Variants in SERPINA11 observed in about 807,000 individuals in gnomAD.
SERPINA11 encodes the protein serpin A11.
Under a neutral mutation model 29.4 loss-of-function variants are expected in SERPINA11, and 28 were observed. That is an observed-to-expected ratio of 0.95 (90% CI 0.70 to 1.30). SERPINA11 has a LOEUF of 1.30. SERPINA11 is among the 50% of genes most tolerant of loss of function. The pLI is 0.00. For missense variants in SERPINA11, 530 were observed against 507.3 expected (o/e 1.04, Z -0.43); for synonymous variants, 253 against 206.6 (o/e 1.22, Z -1.92).
In SERPINA11 at chr14:94,452,401, A is replaced by T. The variant is rs188631644; in HGVS notation, c.-4+328T>A. Among the ~76,000 whole-genome samples, 3 of 152,164 alleles carry T rather than the reference A, an allele frequency of 2.0e-5. No homozygotes were observed. The East Asian group carries it at 5.8e-4, about 29-fold the overall frequency. Reference sequence around the variant, plus strand: ...GTAAATTTGCTGCAGCATCATTGTCATTGTGCTTTGGGTTGTATTGTTTCA... The same window carrying T: ...GTAAATTTGCTGCAGCATCATTGTCTTTGTGCTTTGGGTTGTATTGTTTCA... On this transcript the variant is annotated intron_variant, in intron 1 of 4. Transcript: ENST00000334708.
At position 94,448,295 on chromosome 14, in the gene SERPINA11, A is replaced by T; in HGVS notation, c.480T>A (p.Leu160=). 1 of 1,614,194 alleles carries T rather than the reference A, an allele frequency of 6.2e-7. No individual in the cohort carries two copies. The highest frequency in any genetic ancestry group is 8.5e-7 in the Non-Finnish European group (1 of 1,180,042). The change falls in exon 2 of 5, where the codon CTT becomes CTA. Residue 160 remains leucine, a synonymous_variant. Transcript: ENST00000334708. ...TGGCAGAAAAAGCAAAAGCTCCATAAAGCTCCTTGATGCTGTCCAAATAGT... is the reference window on the plus strand; with the variant it reads ...TGGCAGAAAAAGCAAAAGCTCCATATAGCTCCTTGATGCTGTCCAAATAGT... ...RQHYLDSIKE[L]YGAFAFSANF...
chr14:94,448,304 G>T lies in SERPINA11; in HGVS notation c.471C>A (p.Ile157=). The T allele has an allele frequency of 6.2e-7, 1 of 1,614,236 alleles. No individual in the cohort carries two copies. Among genetic ancestry groups the T allele is most frequent in the Non-Finnish European group, 8.5e-7 (1 of 1,180,046 alleles). ...AAGCAAAAGCTCCATAAAGCTCCTT[G>T]ATGCTGTCCAAATAGTGCTGCCGAG... ...LKPRQHYLDS[I]KELYGAFAFS... Residue 157 remains isoleucine, a synonymous_variant, in exon 2 of 5, where the codon ATC becomes ATA. Transcript: ENST00000334708.
At chr14:94,444,083 T>C (rs955486455) in intron 3 of SERPINA11, among the ~76,000 whole-genome samples, 40 of 152,276 alleles carry the variant, frequency 2.6e-4, no homozygotes, top group African/African-American at 9.4e-4. Context: ...GGATGCCTAA[T>C]TGAAGTAGGA....
At position 94,448,248 on chromosome 14, in the gene SERPINA11, G is replaced by T; in HGVS notation, c.527C>A (p.Thr176Asn). 1 of 1,614,260 alleles carries T rather than the reference G, an allele frequency of 6.2e-7. No homozygotes were observed. The highest frequency in any genetic ancestry group is 8.5e-7 in the Non-Finnish European group (1 of 1,180,046). ...FSANFTDSVTTGRQINDYLRR... is the reference protein window; with the variant it reads ...FSANFTDSVTNGRQINDYLRR... ...CAAATAGTCATTAATCTGCCTCCCAGTTGTAACAGAATCTGTGAAGTTGGC... is the reference window on the plus strand; with the variant it reads ...CAAATAGTCATTAATCTGCCTCCCATTTGTAACAGAATCTGTGAAGTTGGC... The change falls in exon 2 of 5, where the codon ACT becomes AAT. Residue 176 changes from threonine (T) to asparagine (N), a missense_variant. By Grantham distance (65) the Thr-to-Asn change is moderately conservative. Coordinates refer to ENST00000334708, the MANE Select transcript of SERPINA11 (RefSeq NM_001080451.2).
chr14:94,443,559 C>A (rs984100379), intron 3 of SERPINA11, among the ~76,000 whole-genome samples: 1 of 152,220 alleles, frequency 6.6e-6, no homozygotes, highest in Non-Finnish European at 1.5e-5. Context: ...GAATCCAAAT[C>A]ATGACCACAT....
intron 3 of SERPINA11, 100 bp from the exon 4 acceptor site, chr14:94,443,325 C>T: frequency 8.3e-7 from 1 of 1,204,260 alleles, no homozygotes. Flanking sequence ...GAGGCATTTC[C>T]CAGCGTGAGA....
chr14:94,449,763 T>C (rs1477898248), intron 1 of SERPINA11, among the ~76,000 whole-genome samples: 1 of 151,942 alleles, frequency 6.6e-6, no homozygotes, highest in East Asian at 1.9e-4. Context: ...GACACTAGCT[T>C]AGGTGACACT....
chr14:94,449,902 A>C (rs151119168), intron 1 of SERPINA11, among the ~76,000 whole-genome samples: 1 of 152,288 alleles, frequency 6.6e-6, no homozygotes, highest in Non-Finnish European at 1.5e-5. Context: ...GCCCATTGGA[A>C]AGGAAAGGAT....
chr14:94,442,942 C>A (rs1898371019), intron 4 of SERPINA11, 133 bp from the exon 5 acceptor site: 2 of 1,261,068 alleles, frequency 1.6e-6, no homozygotes, highest in African/African-American at 1.5e-5. Context: ...TGAAGAGATG[C>A]CTTAAAGACT....
At position 94,446,740 on chromosome 14, in the gene SERPINA11, G is replaced by A. The variant is rs1190768560; in HGVS notation, c.644-136C>T. ...ATGTGGAATGGTTACAGAGCCAGGA[G>A]ACCAGAATTTAGGCCTGGCTCAGTC... On this transcript the variant is annotated intron_variant, in intron 2 of 4. Transcript: ENST00000334708. 12 of 834,810 alleles carry A rather than the reference G, an allele frequency of 1.4e-5. No homozygotes were observed. In the African/African-American group the frequency reaches 2.0e-4, roughly 14 times the overall value. The allele number at this position is 834,810 out of a possible 1,614,324, so 51.7% of individuals were successfully genotyped here.
rs1898491727 is a variant in SERPINA11, at chr14:94,448,457, G to A, written c.318C>T (p.Asn106=). ...SALILEGLGF[N]LTETPEADIH... ...TGTCGGCTTCAGGGGTTTCTGTGAG[G>A]TTGAATCCCAGGCCCTCCAGGATCA... The change falls in exon 2 of 5, where the codon AAC becomes AAT. Residue 106 remains asparagine, a synonymous_variant. Coordinates refer to ENST00000334708, the MANE Select transcript of SERPINA11 (RefSeq NM_001080451.2). 1 of 1,614,068 alleles carries A rather than the reference G, an allele frequency of 6.2e-7. No homozygotes were observed. The highest frequency in any genetic ancestry group is 8.5e-7 in the Non-Finnish European group (1 of 1,180,052).
chr14:94,448,247 A>G lies in SERPINA11; in HGVS notation c.528T>C (p.Thr176=). ...FSANFTDSVT[T]GRQINDYLRR... is the part of the protein sequence containing the mutation. ...TCAAATAGTCATTAATCTGCCTCCC[A>G]GTTGTAACAGAATCTGTGAAGTTGG... Residue 176 remains threonine, a synonymous_variant, in exon 2 of 5, where the codon ACT becomes ACC. Coordinates refer to ENST00000334708, the MANE Select transcript of SERPINA11 (RefSeq NM_001080451.2). 2 of 1,614,258 alleles carry G rather than the reference A, an allele frequency of 1.2e-6. No individual in the cohort carries two copies. The highest frequency in any genetic ancestry group is 1.7e-6 in the Non-Finnish European group (2 of 1,180,046).
chr14:94,446,256 T>G, intron 3 of SERPINA11, 75 bp downstream of exon 3: 1 of 1,347,790 alleles, frequency 7.4e-7, no homozygotes, highest in Non-Finnish European at 1.0e-6. Flanking sequence ...GTTGGGCTTT[T>G]GCAGCTGGAG....
rs776025031 is a variant in SERPINA11, at chr14:94,448,564, C to T, written c.211G>A (p.Gly71Arg). 5.0e-5 allele frequency: 81 copies of T among 1,613,974 alleles called. No individual in the cohort carries two copies. The highest frequency in any genetic ancestry group is 1.3e-4 in the Admixed American group (8 of 59,984). ...CTCACTGGCGAGAAGAAGATGTTTC[C>T]GGGGGCGTCTGCTGCCAGCTCTTTA... The part of the protein sequence containing the change: ...LYKELAADAP[G>R]NIFFSPVSIS... The change falls in exon 2 of 5, where the codon GGA (glycine) becomes AGA (arginine). Residue 71 changes from glycine (G) to arginine (R), a missense_variant. By Grantham distance (125) the Gly-to-Arg change is moderately radical. Transcript: ENST00000334708.
rs11850167 is a variant in SERPINA11 at position 94,446,194 on chromosome 14, C to G, written c.917+137G>C. 7,173 of 856,028 alleles carry G rather than the reference C, an allele frequency of 8.4e-3. 269 individuals carry two copies. The African/African-American group carries it at 0.095, about 11-fold the overall frequency. The allele number at this position is 856,028 out of a possible 1,614,324, so 53.0% of individuals were successfully genotyped here. ...GGCCCAAAAAAGGTGAGAAAATTGC[C>G]AAGATCACACAGTTAGTAAAGGACA... On this transcript the variant is annotated intron_variant, in intron 3 of 4. Coordinates refer to ENST00000334708, the MANE Select transcript of SERPINA11 (RefSeq NM_001080451.2).
intron 3 of SERPINA11, among the ~76,000 whole-genome samples, chr14:94,445,750 C>A (rs2010154): frequency 0.4 from 60,189 of 150,600 alleles, 12,981 homozygotes; most frequent in African/African-American, 0.57. Flanking sequence ...GTTTTTTTTT[C>A]ATTTTGCATA....
Position 94,442,723 on chromosome 14 carries a change from CA to C in SERPINA11, c.1151del (p.Leu384ArgfsTer57). On this transcript the variant is annotated frameshift_variant, in exon 5 of 5. Coordinates refer to ENST00000334708, the MANE Select transcript of SERPINA11 (RefSeq NM_001080451.2). LOFTEE classifies it low-confidence loss of function (END_TRUNC). ...GGGCATGTGGGTCTGACATGGTGTT[CA>C]GAGATGGGGGCTGGGAGAGGAGGCC... ...ASGLLSQPPS[L>X]NTMSDPHAHF... The C allele has an allele frequency of 6.2e-7, 1 of 1,613,736 alleles. No individual in the cohort carries two copies.
intron 1 of SERPINA11, 111 bp downstream of exon 1, chr14:94,452,598 AACACACACACACACACACAC>A (rs57692788): frequency 0.13 from 15,263 of 120,162 alleles, 1,026 homozygotes; most frequent in East Asian, 0.17. Flanking sequence ...CAAAGCCAGG[AACACACACACACACACACAC>A]ACACACACAC....
Position 94,448,735 on chromosome 14 carries a change from G to A in SERPINA11, c.40C>T (p.Leu14=), listed in dbSNP as rs1396525922. Residue 14 remains leucine, a synonymous_variant, in exon 2 of 5, where the codon CTG becomes TTG. Coordinates refer to ENST00000334708, the MANE Select transcript of SERPINA11 (RefSeq NM_001080451.2). Reference sequence around the variant, plus strand: ...AGGGGCTGACAGTGGACAGAGGCCAGGATCCCTGTTCCCAGTAGCCAAAGC... The same window carrying A: ...AGGGGCTGACAGTGGACAGAGGCCAAGATCCCTGTTCCCAGTAGCCAAAGC... ...AWLWLLGTGI[L]ASVHCQPLLA... The A allele has an allele frequency of 2.6e-6, 4 of 1,517,558 alleles. No homozygotes were observed. Among genetic ancestry groups the A allele is most frequent in the East Asian group, 2.3e-5 (1 of 44,012 alleles). 94.0% of individuals were successfully genotyped at this position (1,517,558 alleles called of 1,614,324 possible).
Sources: allele counts gnomAD v4.1 joint callset (sites outside exome capture counted in the v4.1 genomes callset), GRCh38; gene constraint gnomAD v4.1.1; transcripts MANE v1.5; gene names NCBI Gene and HGNC (gene_info 2026-07-23, HGNC 2026-07-21).